SH3PXD2A: variants seen among roughly 807,000 people sequenced by gnomAD.
SH3PXD2A encodes the protein SH3 and PX domains 2A, also known as SH3 and PX domain-containing protein 2A.
SH3PXD2A carries 32 observed loss-of-function variants against 115.2 expected under a neutral mutation model. The observed-to-expected ratio is 0.28, with a 90% CI of 0.21 to 0.37. The LOEUF (loss-of-function observed/expected upper bound fraction) is 0.37. Among genes scored for constraint, SH3PXD2A ranks in the 10% least tolerant of loss-of-function variants. SH3PXD2A has a pLI of 1.00. For synonymous variants in SH3PXD2A, 610 were observed against 629.1 expected, an observed-to-expected ratio of 0.97 and a Z score of 0.45; for missense variants, 1,328 against 1,498.7, an observed-to-expected ratio of 0.89 and a Z score of 1.88.
intron 1 of SH3PXD2A, among the ~76,000 whole-genome samples, chr10:103,838,400 G>C (rs901173708): frequency 6.6e-6 from 1 of 152,184 alleles, no homozygotes; most frequent in African/African-American, 2.4e-5. Flanking sequence ...CATATTAACG[G>C]AAGAGGAAAT....
intron 6 of SH3PXD2A, among the ~76,000 whole-genome samples, chr10:103,686,508 C>T (rs995887442): frequency 1.3e-5 from 2 of 152,286 alleles, no homozygotes; most frequent in South Asian, 2.1e-4. Context: ...GGAGCAGTGC[C>T]CACCTTGGGG....
chr10:103,808,522 A>G (rs1029607789), intron 1 of SH3PXD2A, among the ~76,000 whole-genome samples: 1 of 152,034 alleles, frequency 6.6e-6, no homozygotes, highest in African/African-American at 2.4e-5. Flanking sequence ...AAGTGCTGGC[A>G]TTACAGATGC....
At position 103,602,044 on chromosome 10, in the gene SH3PXD2A, C is replaced by T. The variant is rs2036222191; in HGVS notation, c.3174G>A (p.Val1058=). The T allele has an allele frequency of 6.2e-7, 1 of 1,609,652 alleles. No homozygotes were observed. The highest frequency in any genetic ancestry group is 1.7e-5 in the Admixed American group (1 of 59,720). ...AQRNSIPVSP[V]RPKPIEKSQF... The stretch of plus-strand genomic sequence containing the variant: ...GAGACTTCTCGATGGGCTTGGGGCG[C>T]ACAGGGGACACGGGTATGCTGTTGC... Residue 1058 remains valine, a synonymous_variant, in exon 15 of 15, where the codon GTG becomes GTA. Coordinates refer to ENST00000369774, the MANE Select transcript of SH3PXD2A (RefSeq NM_001394015.1).
chr10:103,777,728 T>C (rs1050114602), intron 2 of SH3PXD2A, among the ~76,000 whole-genome samples: 4 of 152,152 alleles, frequency 2.6e-5, no homozygotes, highest in African/African-American at 9.7e-5. Flanking sequence ...TGCTGACCCA[T>C]GGCCTTTGTG....
intron 2 of SH3PXD2A, among the ~76,000 whole-genome samples, chr10:103,783,529 G>A (rs1161622371): frequency 2.0e-5 from 3 of 152,226 alleles, no homozygotes; most frequent in Non-Finnish European, 2.9e-5. Context: ...CTGGCCAGGT[G>A]TGGGGTGGTC....
chr10:103,629,273 G>A (rs1339019174), intron 8 of SH3PXD2A, among the ~76,000 whole-genome samples: 1 of 152,230 alleles, frequency 6.6e-6, no homozygotes, highest in Admixed American at 6.5e-5. Flanking sequence ...GTGACAGGCA[G>A]GTGCTGGAAC....
At chr10:103,636,848 G>GA (rs1053897643) in intron 8 of SH3PXD2A, among the ~76,000 whole-genome samples, 1 of 152,104 alleles carries the variant, frequency 6.6e-6, no homozygotes, top group African/African-American at 2.4e-5. Flanking sequence ...GCCCAGGATT[G>GA]AGCCCAAGGA....
intron 4 of SH3PXD2A, among the ~76,000 whole-genome samples, chr10:103,730,625 T>G (rs540598371): frequency 6.6e-6 from 1 of 152,176 alleles, no homozygotes; most frequent in Non-Finnish European, 1.5e-5. Context: ...CAAGGGATCT[T>G]AGTACATCAG....
intron 5 of SH3PXD2A, among the ~76,000 whole-genome samples, chr10:103,717,470 T>C (rs1174916172): frequency 6.6e-6 from 1 of 152,018 alleles, no homozygotes; most frequent in Non-Finnish European, 1.5e-5. Flanking sequence ...AGGAGGGTGC[T>C]CCTGGTGGAG....
At chr10:103,828,197 G>T (rs779543857) in intron 1 of SH3PXD2A, among the ~76,000 whole-genome samples, 6 of 152,184 alleles carry the variant, frequency 3.9e-5, no homozygotes, top group Non-Finnish European at 7.4e-5. Context: ...GAATGCTTAC[G>T]CTAGGGAGAG....
Position 103,594,884 on chromosome 10 carries a change from C to T in SH3PXD2A, c.*6932G>A, listed in dbSNP as rs1000565341. 2 of 152,188 alleles carry T rather than the reference C, an allele frequency of 1.3e-5. No homozygotes were observed. Among genetic ancestry groups the T allele is most frequent in the East Asian group, 1.9e-4 (1 of 5,194 alleles). 9.4% of individuals were successfully genotyped at this position (152,188 alleles called of 1,614,324 possible). A position where few individuals can be genotyped will look rare whatever the true frequency, so the allele number is the denominator to read the frequency against. On this transcript the variant is annotated 3_prime_UTR_variant, in exon 15 of 15. Coordinates refer to ENST00000369774, the MANE Select transcript of SH3PXD2A (RefSeq NM_001394015.1). ...TTGAGAATGACTGGTACCAACAAGA[C>T]GACAAAGGAGGTTGCCTTCCTCCCA...
At chr10:103,853,483 G>A (rs1842914522) in intron 1 of SH3PXD2A, among the ~76,000 whole-genome samples, 1 of 152,200 alleles carries the variant, frequency 6.6e-6, no homozygotes, top group African/African-American at 2.4e-5. Context: ...GCTGGGGGAG[G>A]TTTAAATAAC....
chr10:103,684,783 C>T (rs1436534964), intron 6 of SH3PXD2A, among the ~76,000 whole-genome samples: 6 of 152,066 alleles, frequency 3.9e-5, no homozygotes, highest in Non-Finnish European at 8.8e-5. Flanking sequence ...AATCCCAGCA[C>T]TTTGGGAGGC....
chr10:103,625,035 C>T (rs1372145323), intron 9 of SH3PXD2A, among the ~76,000 whole-genome samples: 1 of 152,134 alleles, frequency 6.6e-6, no homozygotes, highest in Non-Finnish European at 1.5e-5. Context: ...CCCACACCCA[C>T]CCCCCACACA....
intron 4 of SH3PXD2A, among the ~76,000 whole-genome samples, chr10:103,728,638 A>G (rs916531740): frequency 6.6e-6 from 1 of 152,210 alleles, no homozygotes; most frequent in African/African-American, 2.4e-5. Flanking sequence ...GGGGATCACC[A>G]TGTTTGTTAC....
rs1241246069 is a variant in SH3PXD2A, at chr10:103,599,703, A to G, written c.*2113T>C. Reference sequence around the variant, plus strand: ...AAAAATAATGAACCACTTCTTTATCATTATTGTTCAAATAAGTACAAATAA... The same window carrying G: ...AAAAATAATGAACCACTTCTTTATCGTTATTGTTCAAATAAGTACAAATAA... On this transcript the variant is annotated 3_prime_UTR_variant, in exon 15 of 15. Coordinates refer to ENST00000369774, the MANE Select transcript of SH3PXD2A (RefSeq NM_001394015.1). The G allele has an allele frequency of 6.6e-6, 1 of 152,646 alleles. No individual in the cohort carries two copies. Among genetic ancestry groups the G allele is most frequent in the African/African-American group, 2.4e-5 (1 of 41,456 alleles). The allele number at this position is 152,646 out of a possible 1,614,324, so 9.5% of individuals were successfully genotyped here.
Position 103,612,903 on chromosome 10 carries a change from G to A in SH3PXD2A, c.1208C>T (p.Ala403Val), listed in dbSNP as rs748002576. The A allele has an allele frequency of 3.7e-6, 6 of 1,607,300 alleles. No homozygotes were observed. Among genetic ancestry groups the A allele is most frequent in the Non-Finnish European group, 5.1e-6 (6 of 1,176,928 alleles). ...GVPDRTVSRLAQGSPAVARIA... is the reference protein window; with the variant it reads ...GVPDRTVSRLVQGSPAVARIA... ...CCTGGCCACAGCTGGAGAGCCCTGG[G>A]CCAGCCTGGAGACAGTCCTGTCAGG... The change falls in exon 12 of 15, where the codon GCC (alanine) becomes GTC (valine). Residue 403 changes from alanine to valine, a missense_variant. Ala to Val is a moderately conservative substitution (Grantham distance 64, BLOSUM62 0). Around this residue, in one of 5 missense-constraint regions of SH3PXD2A, gnomAD observed 509 missense variants for 628.3 expected, o/e 0.81. Transcript: ENST00000369774.
chr10:103,805,365 C>T (rs2039191535), intron 1 of SH3PXD2A, among the ~76,000 whole-genome samples: 1 of 152,232 alleles, frequency 6.6e-6, no homozygotes. Flanking sequence ...GGCTGCAAGA[C>T]CCCAGCCCAG....
At chr10:103,728,885 G>GTTTTTTTTTT (rs1170237835) in intron 4 of SH3PXD2A, among the ~76,000 whole-genome samples, 1 of 99,142 alleles carries the variant, frequency 1.0e-5, no homozygotes. Context: ...TGTTTTTTTT[G>GTTTTTTTTTT]TTTGTTTGTT....
Sources: allele counts gnomAD v4.1 joint callset (sites outside exome capture counted in the v4.1 genomes callset), GRCh38; gene constraint gnomAD v4.1.1; regional missense constraint gnomAD v4.1.1; transcripts MANE v1.5; gene names NCBI Gene and HGNC (gene_info 2026-07-23, HGNC 2026-07-21).